Variants in FADS2 observed in about 807,000 individuals in gnomAD.
The protein encoded by FADS2 is acyl-CoA 6-desaturase.
In FADS2, 18 loss-of-function variants were observed where a neutral mutation model predicts 61.2. The observed-to-expected ratio is 0.29, with a 90% CI of 0.20 to 0.44. The LOEUF (loss-of-function observed/expected upper bound fraction) is 0.44. FADS2 is among the 20% of genes least tolerant of loss of function. The probability of loss-of-function intolerance (pLI) is 1.00; values close to 1 mark genes in which losing one functional copy is unlikely to be tolerated. For synonymous variants in FADS2, 203 were observed against 223.9 expected (o/e 0.91, Z 0.83); for missense variants, 322 against 572.7 (o/e 0.56, Z 4.47).
chr11:61,833,751 T>A (rs1364570250), intron 1 of FADS2, among the ~76,000 whole-genome samples: 2 of 152,140 alleles, frequency 1.3e-5, no homozygotes, highest in Non-Finnish European at 2.9e-5. Flanking sequence ...GGAGAAGGCT[T>A]TTGGTGTTCC....
chr11:61,818,594 A>G (rs2067009119), intron 1 of FADS2, among the ~76,000 whole-genome samples: 1 of 152,218 alleles, frequency 6.6e-6, no homozygotes, highest in Admixed American at 6.5e-5. Flanking sequence ...TGTTAACACA[A>G]TGAAGAATTA....
chr11:61,854,260 G>A (rs1326608948), intron 5 of FADS2: 1 of 152,302 alleles, frequency 6.6e-6, no homozygotes, highest in East Asian at 1.9e-4. Flanking sequence ...TGAGCCCCCA[G>A]TTGGGAAGAA....
chr11:61,857,040 C>T lies in FADS2; in HGVS notation c.774C>T (p.Pro258=). 8 of 1,614,036 alleles carry T rather than the reference C, an allele frequency of 5.0e-6. No homozygotes were observed. The highest frequency in any genetic ancestry group is 6.8e-6 in the Non-Finnish European group (8 of 1,179,984). ...EYGKKKLKYL[P]YNHQHEYFFL... ...GCAAGAAGAAGCTGAAATACCTGCC[C>T]TACAATCACCAGCACGAATACTTCT... is the stretch of plus-strand genomic sequence containing the variant. Residue 258 remains proline (P), a synonymous_variant, in exon 6 of 12, where the codon CCC becomes CCT. Coordinates refer to ENST00000278840, the MANE Select transcript of FADS2 (RefSeq NM_004265.4).
chr11:61,831,799 CCTTCCCTTCCTGTTGCTACCTCTGATCT>C (rs1390939285), intron 1 of FADS2, among the ~76,000 whole-genome samples: 2 of 152,204 alleles, frequency 1.3e-5, no homozygotes, highest in Non-Finnish European at 2.9e-5. Flanking sequence ...CTCCCAGCTT[CCTTCCCTTCCTGTTGCTACCTCTGATCT>C]CTTCCCTTTG....
rs755525556 is a variant in FADS2, at chr11:61,816,402, A to C, written c.117A>C (p.Ala39=). 1 of 1,598,568 alleles carries C rather than the reference A, an allele frequency of 6.3e-7. No individual in the cohort carries two copies. Among genetic ancestry groups the C allele is most frequent in the South Asian group, 1.1e-5 (1 of 91,084 alleles). The change falls in exon 1 of 12, where the codon GCA becomes GCC. Residue 39 remains alanine, a synonymous_variant. Coordinates refer to the FADS2 transcript ENST00000257261. This position sits in a 1 kb window ranked among gnomAD's most constrained non-coding sequence, Gnocchi z 7.0. ...TCCCGCCTTTTCATCCCGCATCCGC[A>C]GGACACCCAATCACCGGGCAACAGG...
At chr11:61,841,525 C>A (rs180980533) in intron 4 of FADS2, among the ~76,000 whole-genome samples, 1 of 147,532 alleles carries the variant, frequency 6.8e-6, no homozygotes, top group Non-Finnish European at 1.5e-5. Flanking sequence ...ATAGTGAGAC[C>A]CCCCCCCATC....
chr11:61,816,778 C>T lies in FADS2; in HGVS notation c.141+352C>T, dbSNP rs1019708501. On this transcript the variant is annotated intron_variant, in intron 1 of 11. Coordinates refer to the FADS2 transcript ENST00000257261. The surrounding 1 kb of genome is among the most constrained non-coding windows in gnomAD (Gnocchi z 7.0). ...GGCCATAGCTGGCCTGGCGACGCCGCGCGCCGGGCCAGCAGGGGCTGTCAG... is the reference window on the plus strand; with the variant it reads ...GGCCATAGCTGGCCTGGCGACGCCGTGCGCCGGGCCAGCAGGGGCTGTCAG... The T allele has an allele frequency of 2.0e-6, 3 of 1,519,904 alleles. No homozygotes were observed. The highest frequency in any genetic ancestry group is 2.6e-6 in the Non-Finnish European group (3 of 1,139,508). 94.2% of individuals were successfully genotyped at this position (1,519,904 alleles called of 1,614,324 possible).
rs1415122425 is a variant in FADS2, at chr11:61,863,073, C to A, written c.980+4C>A. ...TCCTTTTCCTCAACTTCATCAGGTG[C>A]CTGGGCTTTGCTGATTCATCCCTGG... On this transcript the variant is annotated splice_donor_region_variant and intron_variant, in intron 8 of 11. Coordinates refer to ENST00000278840, the MANE Select transcript of FADS2 (RefSeq NM_004265.4). The A allele has an allele frequency of 6.2e-7, 1 of 1,612,360 alleles. No individual in the cohort carries two copies. The highest frequency in any genetic ancestry group is 1.7e-5 in the Admixed American group (1 of 60,032).
intron 1 of FADS2, among the ~76,000 whole-genome samples, chr11:61,834,159 G>T (rs934491126): frequency 2.6e-5 from 4 of 152,214 alleles, no homozygotes; most frequent in African/African-American, 9.6e-5. Context: ...CCCGAATGGA[G>T]GCAGCCCTGG....
chr11:61,831,080 G>T (rs2067124619), intron 1 of FADS2, among the ~76,000 whole-genome samples: 1 of 152,124 alleles, frequency 6.6e-6, no homozygotes, highest in South Asian at 2.1e-4. Flanking sequence ...GTGAGCAGCT[G>T]GGTTCTCTTT....
intron 1 of FADS2, among the ~76,000 whole-genome samples, chr11:61,818,963 C>G (rs896824046): frequency 6.6e-6 from 1 of 151,996 alleles, no homozygotes; most frequent in Non-Finnish European, 1.5e-5. Flanking sequence ...CTCCACCTCC[C>G]AGGTTCATGG....
At chr11:61,819,002 C>A (rs1419359982) in intron 1 of FADS2, among the ~76,000 whole-genome samples, 2 of 151,968 alleles carry the variant, frequency 1.3e-5, no homozygotes, top group African/African-American at 4.8e-5. Context: ...TCCCAAGTAG[C>A]TGGGACTACA....
chr11:61,833,862 G>A (rs990238037), intron 1 of FADS2, among the ~76,000 whole-genome samples: 3 of 152,234 alleles, frequency 2.0e-5, no homozygotes, highest in Non-Finnish European at 4.4e-5. Flanking sequence ...CAGCTGTGGG[G>A]TCCTGGGTCC....
intron 5 of FADS2, 134 bp from the exon 6 acceptor site, chr11:61,856,877 T>C (rs1253299363): frequency 6.5e-6 from 5 of 770,384 alleles, no homozygotes; most frequent in Non-Finnish European, 1.1e-5. Context: ...GGGCCCAGGG[T>C]GCAGATTGAC....
chr11:61,857,230 C>T (rs2067367736), intron 6 of FADS2, among the ~76,000 whole-genome samples, 159 bp downstream of exon 6: 1 of 152,146 alleles, frequency 6.6e-6, no homozygotes, highest in African/African-American at 2.4e-5. Context: ...ACCCCTCAGC[C>T]TGTGTTACAG....
intron 7 of FADS2, among the ~76,000 whole-genome samples, chr11:61,861,241 C>A (rs1302868489): frequency 1.3e-5 from 2 of 150,026 alleles, no homozygotes; most frequent in Non-Finnish European, 3.0e-5. Flanking sequence ...GTAGACCCAG[C>A]TACTTGGGAG....
In FADS2 at chr11:61,867,237, T is replaced by G. The variant is rs1356099791; in HGVS notation, c.*1548T>G. On this transcript the variant is annotated 3_prime_UTR_variant, in exon 12 of 12. Transcript: ENST00000278840. ...TGGCAATGGCATGCCCCCCAGCTAC[T>G]GTATGCCCCCGACCCCCGCAGAGGC... The G allele has an allele frequency of 6.6e-6, 1 of 152,010 alleles. No individual in the cohort carries two copies. Among genetic ancestry groups the G allele is most frequent in the Non-Finnish European group, 1.5e-5 (1 of 68,012 alleles). The allele number at this position is 152,010 out of a possible 1,614,324, so 9.4% of individuals were successfully genotyped here. A position where few individuals can be genotyped will look rare whatever the true frequency, so the allele number is the denominator to read the frequency against.
At chr11:61,837,220 G>C (rs1330850924) in intron 1 of FADS2, among the ~76,000 whole-genome samples, 3 of 152,222 alleles carry the variant, frequency 2.0e-5, no homozygotes, top group Non-Finnish European at 4.4e-5. Context: ...TAATAGCCTA[G>C]ATCCTCCTAG....
At chr11:61,862,527 C>CG in intron 7 of FADS2, 5 of 191,368 alleles carry the variant, frequency 2.6e-5, no homozygotes, top group Admixed American at 1.1e-4. Flanking sequence ...CTCTGACCTT[C>CG]CCTACCCCTC....
Sources: gnomAD v4.1 joint callset for allele counts (sites outside exome capture counted in the v4.1 genomes callset) on GRCh38, gnomAD v4.1.1 for gene constraint, Gnocchi (gnomAD v3.1) non-coding constraint, MANE v1.5 for transcripts, NCBI Gene and HGNC (gene_info 2026-07-23, HGNC 2026-07-21) for gene names.